The following SLC24A3 variants were observed in gnomAD, a reference collection of about 807,000 sequenced individuals.
The protein encoded by SLC24A3 is sodium/potassium/calcium exchanger 3.
A neutral mutation model predicts 75.8 loss-of-function variants in SLC24A3; 28 were observed. The ratio of observed to expected loss-of-function variants is 0.37; its 90% CI spans 0.27 to 0.51. SLC24A3 has a LOEUF of 0.51. SLC24A3 is among the 20% of genes least tolerant of loss of function. SLC24A3 has a pLI of 0.94. For synonymous variants in SLC24A3, 372 were observed against 334.1 expected (o/e 1.11, Z -1.24); for missense variants, 663 against 847.8 (o/e 0.78, Z 2.71).
At chr20:19,581,416 T>C (rs1262284185) in intron 4 of SLC24A3, among the ~76,000 whole-genome samples, 1 of 152,226 alleles carries the variant, frequency 6.6e-6, no homozygotes, top group Non-Finnish European at 1.5e-5. Context: ...GTTGTCAGCA[T>C]GTGTTCTACT....
At chr20:19,570,272 C>T (rs752734886) in intron 3 of SLC24A3, among the ~76,000 whole-genome samples, 3 of 152,108 alleles carry the variant, frequency 2.0e-5, no homozygotes, top group African/African-American at 7.2e-5. Context: ...AGAATAGCAT[C>T]GGAGATGTCT....
chr20:19,478,569 G>T (rs1235918165), intron 2 of SLC24A3, among the ~76,000 whole-genome samples: 1 of 152,158 alleles, frequency 6.6e-6, no homozygotes, highest in African/African-American at 2.4e-5. Context: ...CAAAGCTACA[G>T]TGTGCCCATG....
At chr20:19,558,289 T>C (rs1410091088) in intron 3 of SLC24A3, among the ~76,000 whole-genome samples, 2 of 152,170 alleles carry the variant, frequency 1.3e-5, no homozygotes, top group African/African-American at 4.8e-5. Flanking sequence ...TCACCCAGGC[T>C]GGGGTGCAGT....
At chr20:19,443,844 G>C in intron 2 of SLC24A3, among the ~76,000 whole-genome samples, 1 of 152,242 alleles carries the variant, frequency 6.6e-6, no homozygotes, top group African/African-American at 2.4e-5. Flanking sequence ...TAATTGCCTT[G>C]GCATCCACTC....
chr20:19,404,144 C>T (rs1365367256), intron 2 of SLC24A3, among the ~76,000 whole-genome samples: 1 of 152,190 alleles, frequency 6.6e-6, no homozygotes, highest in Non-Finnish European at 1.5e-5. Flanking sequence ...GATTTCTTGG[C>T]ACCCCTTTAA....
rs540808560 is a variant in SLC24A3 at position 19,454,578 on chromosome 20, A to G, written c.272-60910A>G. ...TGCCATGTCTGAACTTGATCCTAAC[A>G]AGTTTGACATTTTTACAAATGATAG... On this transcript the variant is annotated intron_variant, in intron 2 of 16. Coordinates refer to ENST00000328041, the MANE Select transcript of SLC24A3 (RefSeq NM_020689.4). 1.4e-4 allele frequency among the ~76,000 whole-genome samples: 21 copies of G among 152,284 alleles called. No individual in the cohort carries two copies. In the South Asian group the frequency reaches 4.4e-3, roughly 32 times the overall value.
At chr20:19,314,529 G>C (rs1285468217) in intron 2 of SLC24A3, among the ~76,000 whole-genome samples, 1 of 152,002 alleles carries the variant, frequency 6.6e-6, no homozygotes. Flanking sequence ...TACCTAGGCT[G>C]TTCTCATACT....
At chr20:19,240,661 A>T (rs141273183) in intron 1 of SLC24A3, among the ~76,000 whole-genome samples, 14 of 152,154 alleles carry the variant, frequency 9.2e-5, no homozygotes, top group Non-Finnish European at 1.6e-4. Context: ...TAATTGAGGG[A>T]GGGAAGGAGG....
intron 6 of SLC24A3, among the ~76,000 whole-genome samples, chr20:19,600,078 T>A (rs184563402): frequency 6.6e-6 from 1 of 152,330 alleles, no homozygotes; most frequent in East Asian, 1.9e-4. Flanking sequence ...GGGGTCATTC[T>A]GAGGGAAGGC....
intron 2 of SLC24A3, among the ~76,000 whole-genome samples, chr20:19,344,679 A>G (rs975814417): frequency 6.6e-6 from 1 of 152,216 alleles, no homozygotes; most frequent in Non-Finnish European, 1.5e-5. Flanking sequence ...ACTGTGGAGC[A>G]TTTATTTACC....
At chr20:19,426,542 G>T (rs1369756485) in intron 2 of SLC24A3, among the ~76,000 whole-genome samples, 3 of 152,204 alleles carry the variant, frequency 2.0e-5, no homozygotes, top group African/African-American at 7.2e-5. Flanking sequence ...GTGTCCTAGG[G>T]ATAGGCACTT....
intron 2 of SLC24A3, among the ~76,000 whole-genome samples, chr20:19,330,445 C>T (rs542179884): frequency 3.3e-5 from 5 of 152,346 alleles, no homozygotes; most frequent in Admixed American, 3.3e-4. Flanking sequence ...AAAAATTATC[C>T]TCTTTTATAC....
intron 15 of SLC24A3, among the ~76,000 whole-genome samples, chr20:19,705,430 G>A (rs1333081074): frequency 6.6e-6 from 1 of 152,132 alleles, no homozygotes; most frequent in Non-Finnish European, 1.5e-5. Flanking sequence ...AGCTCATGCC[G>A]AAATGCAGAC....
At chr20:19,681,093 T>G (rs2032609703) in intron 9 of SLC24A3, among the ~76,000 whole-genome samples, 1 of 152,208 alleles carries the variant, frequency 6.6e-6, no homozygotes, top group South Asian at 2.1e-4. Context: ...TGTGGGAATC[T>G]TCTCATACTA....
At position 19,492,526 on chromosome 20, in the gene SLC24A3, G is replaced by A. The variant is rs940594155; in HGVS notation, c.272-22962G>A. 4.6e-5 allele frequency among the ~76,000 whole-genome samples: 7 copies of A among 152,284 alleles called. No individual in the cohort carries two copies. The South Asian group carries it at 6.2e-4, about 14-fold the overall frequency. On this transcript the variant is annotated intron_variant, in intron 2 of 16. Coordinates refer to ENST00000328041, the MANE Select transcript of SLC24A3 (RefSeq NM_020689.4). ...CATTTTTCCCATTCAAGAAGCAGAG[G>A]ATTCCAGGAAGTTAATACTGTGGTA...
chr20:19,300,709 G>A (rs1984174461), intron 2 of SLC24A3, among the ~76,000 whole-genome samples: 1 of 152,144 alleles, frequency 6.6e-6, no homozygotes, highest in African/African-American at 2.4e-5. Context: ...TGACTCTCAG[G>A]AAATCAGTGT....
At chr20:19,247,099 AG>A (rs1982514921) in intron 1 of SLC24A3, among the ~76,000 whole-genome samples, 1 of 152,214 alleles carries the variant, frequency 6.6e-6, no homozygotes, top group African/African-American at 2.4e-5. Flanking sequence ...TAAATAAAAA[AG>A]AATATAAATT....
At chr20:19,496,244 G>A (rs1484969256) in intron 2 of SLC24A3, among the ~76,000 whole-genome samples, 2 of 152,164 alleles carry the variant, frequency 1.3e-5, no homozygotes, top group Admixed American at 6.5e-5. Context: ...CTCAACACCA[G>A]CCAGCCGGTC....
At chr20:19,445,997 G>T (rs1280290073) in intron 2 of SLC24A3, among the ~76,000 whole-genome samples, 1 of 152,142 alleles carries the variant, frequency 6.6e-6, no homozygotes, top group Non-Finnish European at 1.5e-5. Flanking sequence ...AACCCTTTAG[G>T]AAACTGTTGT....
Sources: allele counts gnomAD v4.1 joint callset (sites outside exome capture counted in the v4.1 genomes callset), GRCh38; gene constraint gnomAD v4.1.1; transcripts MANE v1.5; gene names NCBI Gene and HGNC (gene_info 2026-07-23, HGNC 2026-07-21).